The following GAD2 variants were observed in gnomAD, a reference collection of about 807,000 sequenced individuals.
GAD2 encodes the protein glutamate decarboxylase 2.
GAD2 carries 22 observed loss-of-function variants against 80.1 expected under a neutral mutation model. That is an observed-to-expected ratio of 0.27 (90% confidence interval 0.20 to 0.39). The LOEUF (loss-of-function observed/expected upper bound fraction) is 0.39, where lower values mean the gene tolerates loss of function less well. Among genes scored for constraint, GAD2 ranks in the 10% least tolerant of loss-of-function variants. The probability of loss-of-function intolerance (pLI) is 1.00; values close to 1 mark genes in which losing one functional copy is unlikely to be tolerated. For synonymous variants in GAD2, 274 were observed against 256.9 expected (o/e 1.07, Z -0.64); for missense variants, 624 against 738.4 (o/e 0.85, Z 1.80).
chr10:26,286,320 C>T (rs202036035), intron 12 of GAD2, 25 bp from the exon 13 acceptor site: 20 of 1,593,746 alleles, frequency 1.3e-5, no homozygotes, highest in Admixed American at 9.2e-5. Context: ...GTAGAATTTC[C>T]TAAATTTTCT....
At chr10:26,236,386 C>T (rs1160527709) in intron 7 of GAD2, among the ~76,000 whole-genome samples, 2 of 151,660 alleles carry the variant, frequency 1.3e-5, no homozygotes, top group African/African-American at 2.4e-5. Flanking sequence ...CTGCAACCTC[C>T]GCCTCCCGGG....
rs186223264 is a variant in GAD2, at chr10:26,223,796, T to G, written c.521-91T>G. The G allele has an allele frequency of 2.4e-4, 195 of 807,950 alleles. 1 individual carries two copies. The East Asian group carries it at 4.6e-3, about 19-fold the overall frequency. The allele number at this position is 807,950 out of a possible 1,614,324, so 50.0% of individuals were successfully genotyped here. On this transcript the variant is annotated intron_variant, in intron 4 of 15. Transcript: ENST00000376261. ...TGGATTTCCTGTTACTGACAGATCT[T>G]TCAAGGTCCTTTAGCTAGAGAAATC...
At chr10:26,294,814 G>C (rs181938370) in intron 15 of GAD2, among the ~76,000 whole-genome samples, 1 of 152,150 alleles carries the variant, frequency 6.6e-6, no homozygotes, top group Non-Finnish European at 1.5e-5. Context: ...AGAATAGGGG[G>C]TGCGGGTGTC....
chr10:26,261,812 G>A (rs1845012586), intron 8 of GAD2, among the ~76,000 whole-genome samples: 1 of 151,710 alleles, frequency 6.6e-6, no homozygotes. Context: ...CTTCTCTTCT[G>A]GAATGGATGT....
At chr10:26,239,176 G>A (rs1489313435) in intron 7 of GAD2, among the ~76,000 whole-genome samples, 2 of 152,210 alleles carry the variant, frequency 1.3e-5, no homozygotes, top group Non-Finnish European at 2.9e-5. Context: ...TCAATTGATG[G>A]ATCTCAGAGC....
At chr10:26,227,676 G>A (rs2132274410) in intron 6 of GAD2, among the ~76,000 whole-genome samples, 1 of 152,270 alleles carries the variant, frequency 6.6e-6, no homozygotes, top group East Asian at 1.9e-4. Context: ...AGAAACCAGG[G>A]ATGCTGCTCA....
chr10:26,295,900 T>C (rs1834268796), intron 15 of GAD2, among the ~76,000 whole-genome samples: 1 of 152,224 alleles, frequency 6.6e-6, no homozygotes, highest in South Asian at 2.1e-4. Context: ...CTCTGTACCA[T>C]CTTGCCTGAT....
intron 8 of GAD2, among the ~76,000 whole-genome samples, chr10:26,246,999 C>G (rs568667856): frequency 2.0e-4 from 30 of 152,258 alleles, no homozygotes; most frequent in African/African-American, 7.2e-4. Context: ...GATCCACATC[C>G]CAAGAGAGGA....
Position 26,286,353 on chromosome 10 carries a change from G to A in GAD2, c.1245G>A (p.Met415Ile). The part of the protein sequence containing the change: ...SALLVREEGL[M>I]QNCNQMHASY... ...TCTCTTCTCTCTTGTAGGGATTGAT[G>A]CAGAATTGCAACCAAATGCATGCCT... Residue 415 changes from methionine to isoleucine, a missense_variant, in exon 13 of 16, where the codon ATG becomes ATA. Coordinates refer to ENST00000376261, the MANE Select transcript of GAD2 (RefSeq NM_001134366.2). The A allele has an allele frequency of 6.2e-7, 1 of 1,613,280 alleles. No individual in the cohort carries two copies. Among genetic ancestry groups the A allele is most frequent in the Non-Finnish European group, 8.5e-7 (1 of 1,179,742 alleles).
intron 8 of GAD2, among the ~76,000 whole-genome samples, chr10:26,264,091 A>T (rs910054771): frequency 6.6e-6 from 1 of 152,204 alleles, no homozygotes; most frequent in African/African-American, 2.4e-5. Flanking sequence ...CAATGTAACA[A>T]TGTTAGACTG....
chr10:26,225,952 A>G (rs1844516411), intron 6 of GAD2, among the ~76,000 whole-genome samples: 1 of 152,116 alleles, frequency 6.6e-6, no homozygotes, highest in African/African-American at 2.4e-5. Context: ...CTTTGAAAAC[A>G]TTGTTCATGA....
At chr10:26,249,218 C>T (rs538718872) in intron 8 of GAD2, among the ~76,000 whole-genome samples, 1 of 152,154 alleles carries the variant, frequency 6.6e-6, no homozygotes, top group East Asian at 1.9e-4. Flanking sequence ...ACTCGCAACA[C>T]GCCTGGCTAG....
intron 8 of GAD2, among the ~76,000 whole-genome samples, chr10:26,251,666 A>G (rs941610867): frequency 6.6e-6 from 1 of 152,224 alleles, no homozygotes; most frequent in Non-Finnish European, 1.5e-5. Context: ...TATTCTTACT[A>G]ATTGAAATGA....
At chr10:26,262,203 G>C (rs750118426) in intron 8 of GAD2, among the ~76,000 whole-genome samples, 27 of 150,706 alleles carry the variant, frequency 1.8e-4, no homozygotes, top group Non-Finnish European at 3.7e-4. Flanking sequence ...TTACTATCTG[G>C]GCCTGGCATT....
intron 3 of GAD2, among the ~76,000 whole-genome samples, chr10:26,218,520 GAC>G (rs373956412): frequency 1.2e-4 from 16 of 128,330 alleles, no homozygotes; most frequent in African/African-American, 4.1e-4. Context: ...CACACATGCA[GAC>G]ACACATGCAT....
intron 8 of GAD2, among the ~76,000 whole-genome samples, chr10:26,261,669 C>T (rs771284245): frequency 1.3e-4 from 20 of 152,090 alleles, no homozygotes; most frequent in Non-Finnish European, 1.8e-4. Context: ...CATTTAGATA[C>T]GATGTTGACT....
intron 15 of GAD2, among the ~76,000 whole-genome samples, chr10:26,298,909 T>A (rs1003258675): frequency 6.6e-6 from 1 of 152,224 alleles, no homozygotes; most frequent in African/African-American, 2.4e-5. Context: ...TTTGAGATAT[T>A]TTAATTCTTC....
At chr10:26,243,241 TG>T (rs1441141989) in intron 7 of GAD2, among the ~76,000 whole-genome samples, 2 of 152,224 alleles carry the variant, frequency 1.3e-5, no homozygotes, top group African/African-American at 2.4e-5. Context: ...CAGGTCTCCT[TG>T]ATTGGTCATC....
intron 12 of GAD2, among the ~76,000 whole-genome samples, chr10:26,283,750 A>G (rs1455039511): frequency 6.6e-6 from 1 of 152,162 alleles, no homozygotes; most frequent in East Asian, 1.9e-4. Context: ...CCTAGAGAGG[A>G]AAAGAAAAGA....
Sources: allele counts gnomAD v4.1 joint callset (sites outside exome capture counted in the v4.1 genomes callset), GRCh38; gene constraint gnomAD v4.1.1; transcripts MANE v1.5; gene names NCBI Gene and HGNC (gene_info 2026-07-23, HGNC 2026-07-21).